Variants in GFM2 observed in about 807,000 individuals in gnomAD.
The protein encoded by GFM2 is ribosome-releasing factor 2, mitochondrial.
GFM2 carries 72 observed loss-of-function variants against 95.4 expected under a neutral mutation model. The ratio of observed to expected loss-of-function variants is 0.76; its 90% CI spans 0.62 to 0.92. The LOEUF (loss-of-function observed/expected upper bound fraction) is 0.92, where lower values mean the gene tolerates loss of function less well. GFM2 is among the 40% of genes least tolerant of loss of function. The pLI is 0.00. For synonymous variants in GFM2, 276 were observed against 317.5 expected (o/e 0.87, Z 1.39); for missense variants, 825 against 924.1 (o/e 0.89, Z 1.39).
chr5:74,747,090 A>C (rs763178802), intron 8 of GFM2, among the ~76,000 whole-genome samples: 1 of 152,122 alleles, frequency 6.6e-6, no homozygotes, highest in Non-Finnish European at 1.5e-5. Flanking sequence ...ATTTTCTCCA[A>C]ATCTTTCAAA....
intron 19 of GFM2, among the ~76,000 whole-genome samples, chr5:74,725,389 A>G (rs189754733): frequency 1.0e-3 from 155 of 152,304 alleles, no homozygotes; most frequent in Non-Finnish European, 2.1e-4. Context: ...CACTTAAGGA[A>G]GCTTGCCTCT....
At chr5:74,765,163 C>T in intron 1 of GFM2, 2 of 1,089,262 alleles carry the variant, frequency 1.8e-6, no homozygotes, top group Non-Finnish European at 1.1e-6. Context: ...CTGTAATAGA[C>T]ATTTTCCTCT....
At chr5:74,752,124 A>G (rs1743747343) in intron 5 of GFM2, among the ~76,000 whole-genome samples, 1 of 152,150 alleles carries the variant, frequency 6.6e-6, no homozygotes, top group Non-Finnish European at 1.5e-5. Context: ...TTCCAAAGAG[A>G]AGGGATTTAG....
At chr5:74,748,645 A>T (rs767009970) in intron 7 of GFM2, among the ~76,000 whole-genome samples, 1 of 152,046 alleles carries the variant, frequency 6.6e-6, no homozygotes, top group African/African-American at 2.4e-5. Flanking sequence ...CAGGTGGATC[A>T]CTTGAGGTCA....
chr5:74,736,755 A>G (rs1485741221), intron 15 of GFM2, 41 bp downstream of exon 15: 1 of 1,610,502 alleles, frequency 6.2e-7, no homozygotes, highest in South Asian at 1.1e-5. Context: ...TATATAAATT[A>G]TCAGCGCACT....
intron 7 of GFM2, among the ~76,000 whole-genome samples, 185 bp from the exon 8 acceptor site, chr5:74,747,965 G>A (rs191503023): frequency 2.4e-4 from 37 of 152,284 alleles, no homozygotes; most frequent in African/African-American, 6.5e-4. Flanking sequence ...AGCCGGGAAC[G>A]TGATGAAGTG....
In GFM2 at chr5:74,724,238, A is replaced by G. The variant is rs563147007; in HGVS notation, c.2028+1402T>C. Among the ~76,000 whole-genome samples, 7 of 152,324 alleles carry G rather than the reference A, an allele frequency of 4.6e-5. No individual in the cohort carries two copies. In the South Asian group the frequency reaches 1.5e-3, roughly 32 times the overall value. ...TAGAAGGCATATTACATTTTGAAGG[A>G]CAGGCCAATATATTGAGGGCTTGGG... On this transcript the variant is annotated intron_variant, in intron 19 of 20. Transcript: ENST00000296805.
At chr5:74,733,248 T>C in intron 15 of GFM2, 150 bp from the exon 16 acceptor site, 1 of 576,520 alleles carries the variant, frequency 1.7e-6, no homozygotes, top group Non-Finnish European at 3.1e-6. Flanking sequence ...CCCAGCACTT[T>C]GGGAAGCCAA....
chr5:74,721,222 TTATTTTGAAATCATGTAAAATAAGA>T lies in GFM2; in HGVS notation c.*408_*432del, dbSNP rs1313155347. The T allele has an allele frequency of 2.1e-6, 3 of 1,396,420 alleles. No homozygotes were observed. The highest frequency in any genetic ancestry group is 3.1e-6 in the Non-Finnish European group (3 of 981,950). The allele number at this position is 1,396,420 out of a possible 1,614,324, so 86.5% of individuals were successfully genotyped here. ...ACAGCAATCTGTACTACAATCAACT[TTATTTTGAAATCATGTAAAATAAGA>T]TATTAGACTGTTTTTTGAATAAAAT... On this transcript the variant is annotated 3_prime_UTR_variant, in exon 21 of 21. Coordinates refer to ENST00000296805, the MANE Select transcript of GFM2 (RefSeq NM_032380.5).
intron 10 of GFM2, among the ~76,000 whole-genome samples, 187 bp downstream of exon 10, chr5:74,745,491 T>C (rs906788314): frequency 4.6e-5 from 7 of 152,230 alleles, no homozygotes; most frequent in Admixed American, 2.0e-4. Flanking sequence ...ATTTAAAGTA[T>C]AGAGGAAGAC....
intron 16 of GFM2, 35 bp from the exon 17 acceptor site, chr5:74,730,433 G>A (rs1742497829): frequency 1.4e-6 from 2 of 1,453,112 alleles, no homozygotes; most frequent in Non-Finnish European, 1.9e-6. Flanking sequence ...AAGATTAAGG[G>A]TAAATTATAT....
Position 74,731,178 on chromosome 5 carries a change from G to A in GFM2, c.1588-780C>T, listed in dbSNP as rs144900529. On this transcript the variant is annotated intron_variant, in intron 16 of 20. Transcript: ENST00000296805. ...CACATCAGAATGAGGGCTATACCTT[G>A]TAAATGGGGGGAATAACCTTTCTAA... 1.4e-4 allele frequency among the ~76,000 whole-genome samples: 22 copies of A among 152,298 alleles called. No individual in the cohort carries two copies. The East Asian group carries it at 4.0e-3, about 28-fold the overall frequency.
At chr5:74,722,263 G>T in intron 20 of GFM2, 116 bp downstream of exon 20, 1 of 842,618 alleles carries the variant, frequency 1.2e-6, no homozygotes, top group Non-Finnish European at 1.9e-6. Context: ...AACTTAACAT[G>T]TATTCTCTAA....
chr5:74,765,126 G>A (rs1171139368), intron 1 of GFM2: 2 of 1,235,962 alleles, frequency 1.6e-6, no homozygotes, highest in Non-Finnish European at 2.1e-6. Context: ...CAAAGTTCAG[G>A]GCCTCATAGT....
chr5:74,721,602 CTGAAAA>C lies in GFM2; in HGVS notation c.*47_*52del. On this transcript the variant is annotated 3_prime_UTR_variant, in exon 21 of 21. Coordinates refer to ENST00000296805, the MANE Select transcript of GFM2 (RefSeq NM_032380.5). ...AATAAAGCAATAAAAATTGTTCTTACTGAAAATGAAGTAGCTAGGTGCTCCTGAATT... is the reference window on the plus strand; with the variant it reads ...AATAAAGCAATAAAAATTGTTCTTACTGAAGTAGCTAGGTGCTCCTGAATT... 6.4e-7 allele frequency: 1 copy of C among 1,572,290 alleles called. No individual in the cohort carries two copies. Among genetic ancestry groups the C allele is most frequent in the Non-Finnish European group, 8.7e-7 (1 of 1,154,416 alleles).
chr5:74,748,774 A>G (rs933632857), intron 7 of GFM2, among the ~76,000 whole-genome samples: 3 of 151,662 alleles, frequency 2.0e-5, no homozygotes, highest in African/African-American at 7.3e-5. Context: ...CTGAGGCACA[A>G]GGATCGCTTG....
intron 7 of GFM2, among the ~76,000 whole-genome samples, chr5:74,748,641 G>C (rs998870013): frequency 1.3e-5 from 2 of 152,074 alleles, no homozygotes; most frequent in Non-Finnish European, 2.9e-5. Context: ...GAGGCAGGTG[G>C]ATCACTTGAG....
chr5:74,732,927 GACACACACACACACACACAC>G (rs67360841), intron 16 of GFM2, 75 bp downstream of exon 16: 4,041 of 403,606 alleles, frequency 0.01, 56 homozygotes, highest in African/African-American at 0.043. Flanking sequence ...TAATGTTTTA[GACACACACACACACACACAC>G]ACACACACAC....
chr5:74,751,985 T>C (rs1398659978), intron 5 of GFM2, among the ~76,000 whole-genome samples: 1 of 152,092 alleles, frequency 6.6e-6, no homozygotes, highest in Non-Finnish European at 1.5e-5. Flanking sequence ...ATTATAAGGA[T>C]GAAAGGAGAC....
Sources: allele counts gnomAD v4.1 joint callset (sites outside exome capture counted in the v4.1 genomes callset), GRCh38; gene constraint gnomAD v4.1.1; transcripts MANE v1.5; gene names NCBI Gene and HGNC (gene_info 2026-07-23, HGNC 2026-07-21).